TMC3: variants seen among roughly 807,000 people sequenced by gnomAD.
The protein encoded by TMC3 is transmembrane channel like 3.
Under a neutral mutation model 110.6 loss-of-function variants are expected in TMC3, and 98 were observed. The observed-to-expected ratio is 0.89, with a 90% CI of 0.75 to 1.05. The LOEUF (loss-of-function observed/expected upper bound fraction) is 1.05, where lower values mean the gene tolerates loss of function less well. TMC3 is among the 50% of genes least tolerant of loss of function. The pLI, the probability that TMC3 is intolerant of heterozygous loss-of-function variation, is 0.00. For synonymous variants in TMC3, 489 were observed against 513.1 expected (o/e 0.95, Z 0.63); for missense variants, 1,319 against 1,373.2 (o/e 0.96, Z 0.62).
chr15:81,352,115 G>A (rs1409775831), intron 9 of TMC3, among the ~76,000 whole-genome samples: 1 of 152,224 alleles, frequency 6.6e-6, no homozygotes, highest in Admixed American at 6.5e-5. Context: ...TAGAGTCAGA[G>A]TATTTGGGGT....
Position 81,344,963 on chromosome 15 carries a change from A to C in TMC3, c.1321T>G (p.Phe441Val), listed in dbSNP as rs1356251613. 1 of 1,606,682 alleles carries C rather than the reference A, an allele frequency of 6.2e-7. No individual in the cohort carries two copies. The highest frequency in any genetic ancestry group is 8.5e-7 in the Non-Finnish European group (1 of 1,176,520). Residue 441 changes from phenylalanine to valine, a missense_variant, in exon 13 of 22, where the codon TTC becomes GTC. Transcript: ENST00000359440. ...NTSHWIDSTT[F>V]FATRTAPEEE... ...TCAGGGGCTGTCCTGGTTGCAAAGA[A>C]GGTGGTGGAATCTATCCAATGACTT...
chr15:81,342,739 T>A (rs968222465), intron 15 of TMC3: 2 of 152,390 alleles, frequency 1.3e-5, no homozygotes, highest in African/African-American at 4.8e-5. Context: ...ACAGGTAAAA[T>A]CAGCTCCTCA....
chr15:81,359,550 A>AT lies in TMC3; in HGVS notation c.395-80dup, dbSNP rs557640467. The AT allele has an allele frequency of 2.0e-4, 198 of 989,620 alleles. No individual in the cohort carries two copies. The African/African-American group carries it at 2.6e-3, about 13-fold the overall frequency. The allele number at this position is 989,620 out of a possible 1,614,324, so 61.3% of individuals were successfully genotyped here. Reference sequence around the variant, plus strand: ...GAAATCCTACAAAAAGAACACCATAATTTTTTTTACATCCACGGGACATAG... The same window carrying AT: ...GAAATCCTACAAAAAGAACACCATAATTTTTTTTTACATCCACGGGACATAG... On this transcript the variant is annotated intron_variant, in intron 4 of 21. Coordinates refer to ENST00000359440, the MANE Select transcript of TMC3 (RefSeq NM_001080532.3).
chr15:81,344,668 T>C, intron 13 of TMC3, 98 bp downstream of exon 13: 1 of 1,269,228 alleles, frequency 7.9e-7, no homozygotes, highest in Non-Finnish European at 1.1e-6. Flanking sequence ...TGAACTTTTC[T>C]TTTTTCTATA....
Position 81,374,117 on chromosome 15 carries a change from G to C in TMC3, c.-40C>G. 2 of 1,590,704 alleles carry C rather than the reference G, an allele frequency of 1.3e-6. No homozygotes were observed. Among genetic ancestry groups the C allele is most frequent in the Non-Finnish European group, 1.7e-6 (2 of 1,161,460 alleles). On this transcript the variant is annotated 5_prime_UTR_variant, in exon 1 of 22. Transcript: ENST00000359440. ...TGCTAACAATCAGAAGCTGGCCAGAGAGCTAGGAAGTTGGCAGGCAAAGGT... is the reference window on the plus strand; with the variant it reads ...TGCTAACAATCAGAAGCTGGCCAGACAGCTAGGAAGTTGGCAGGCAAAGGT...
chr15:81,355,178 G>A (rs1372798385), intron 9 of TMC3, among the ~76,000 whole-genome samples: 2 of 152,140 alleles, frequency 1.3e-5, no homozygotes, highest in Admixed American at 6.5e-5. Context: ...AATCATGAGG[G>A]CTAAATAACC....
Position 81,334,708 on chromosome 15 carries a change from G to C in TMC3, c.2459+12C>G, listed in dbSNP as rs76009010. The C allele has an allele frequency of 7.6e-4, 1,220 of 1,611,938 alleles. 8 individuals carry two copies. In the African/African-American group the frequency reaches 0.013, roughly 17 times the overall value. ...ATTCCAGGTTTTAATCTGTGCTGCA[G>C]TGGAGCCTCACCTGTTAGTTTCATG... On this transcript the variant is annotated intron_variant, in intron 21 of 21. Coordinates refer to ENST00000359440, the MANE Select transcript of TMC3 (RefSeq NM_001080532.3).
At chr15:81,340,347 T>C (rs1013756940) in intron 16 of TMC3, among the ~76,000 whole-genome samples, 6 of 152,182 alleles carry the variant, frequency 3.9e-5, no homozygotes, top group Non-Finnish European at 7.3e-5. Context: ...TCTTTGTCTA[T>C]CCACAGACAT....
At chr15:81,362,714 A>G (rs1894215901) in intron 3 of TMC3, among the ~76,000 whole-genome samples, 1 of 152,202 alleles carries the variant, frequency 6.6e-6, no homozygotes, top group East Asian at 1.9e-4. Flanking sequence ...AAGACACAGT[A>G]CAAATTACTC....
At chr15:81,342,084 A>C (rs1353724297) in intron 15 of TMC3, among the ~76,000 whole-genome samples, 4 of 152,182 alleles carry the variant, frequency 2.6e-5, no homozygotes, top group African/African-American at 9.7e-5. Context: ...CAAACCTGGG[A>C]GATTTGGGGA....
intron 6 of TMC3, 26 bp downstream of exon 6, chr15:81,358,374 CAA>C (rs748599553): frequency 1.2e-6 from 2 of 1,607,228 alleles, no homozygotes; most frequent in Non-Finnish European, 8.5e-7. Flanking sequence ...TCCCTCAAGA[CAA>C]GAGTGTGGCC....
intron 11 of TMC3, 115 bp downstream of exon 11, chr15:81,349,343 T>G: frequency 3.7e-6 from 2 of 542,456 alleles, no homozygotes; most frequent in Middle Eastern, 3.0e-4. Flanking sequence ...TAAAGTTCTG[T>G]GCTGATTGTC....
chr15:81,332,229 G>T lies in TMC3; in HGVS notation c.*190C>A. ...GGTGCCACCTAACTCGGATAAATTT[G>T]GCTAACAGTAGCTGTAGAATAGGTA... On this transcript the variant is annotated 3_prime_UTR_variant, in exon 22 of 22. Transcript: ENST00000359440. The T allele has an allele frequency of 4.2e-6, 3 of 716,656 alleles. No individual in the cohort carries two copies. The highest frequency in any genetic ancestry group is 6.4e-6 in the Non-Finnish European group (3 of 466,540). 44.4% of individuals were successfully genotyped at this position (716,656 alleles called of 1,614,324 possible).
chr15:81,340,888 G>T (rs1893699651), intron 16 of TMC3, among the ~76,000 whole-genome samples: 1 of 152,226 alleles, frequency 6.6e-6, no homozygotes, highest in South Asian at 2.1e-4. Context: ...TCAGTGAGTT[G>T]AATCTCACAA....
chr15:81,343,197 G>A (rs184958965), intron 15 of TMC3, 81 bp downstream of exon 15: 18 of 805,388 alleles, frequency 2.2e-5, no homozygotes, highest in East Asian at 7.3e-5. Context: ...TGTTATGGTC[G>A]TGTCCCATCT....
At chr15:81,355,803 G>C (rs755232903) in intron 8 of TMC3, 35 bp from the exon 9 acceptor site, 4 of 1,332,784 alleles carry the variant, frequency 3.0e-6, no homozygotes, top group South Asian at 2.5e-5. Flanking sequence ...TAAAAGCTTA[G>C]CATCATCATT....
rs766909289 is a variant in TMC3, at chr15:81,332,803, A to G, written c.2919T>C (p.Tyr973=). The G allele has an allele frequency of 5.0e-6, 8 of 1,611,518 alleles. No homozygotes were observed. In the Admixed American group the frequency reaches 1.3e-4, roughly 27 times the overall value. Reference sequence around the variant, plus strand: ...TCTGACTTTCGGACCTCTCCCCAATATAAAAATGAGGAGCCCGACGGAGGT... The same window carrying G: ...TCTGACTTTCGGACCTCTCCCCAATGTAAAAATGAGGAGCCCGACGGAGGT... The part of the protein sequence containing the change: ...LIDLRRAPHF[Y]IGERSESQTR... The change falls in exon 22 of 22, where the codon TAT becomes TAC. Residue 973 remains tyrosine, a synonymous_variant. Transcript: ENST00000359440.
At chr15:81,350,880 T>A (rs1177864693) in intron 10 of TMC3, among the ~76,000 whole-genome samples, 1 of 152,194 alleles carries the variant, frequency 6.6e-6, no homozygotes, top group Non-Finnish European at 1.5e-5. Context: ...TATGGGAATA[T>A]TCACACAACG....
chr15:81,368,221 C>CT (rs1894358862), intron 3 of TMC3, 32 bp downstream of exon 3: 4 of 1,575,018 alleles, frequency 2.5e-6, no homozygotes, highest in Non-Finnish European at 2.6e-6. Context: ...GTGTGAGCCA[C>CT]CGCGCCCAGC....
Sources: gnomAD v4.1 joint callset for allele counts (sites outside exome capture counted in the v4.1 genomes callset) on GRCh38, gnomAD v4.1.1 for gene constraint, MANE v1.5 for transcripts, NCBI Gene and HGNC (gene_info 2026-07-23, HGNC 2026-07-21) for gene names.